Variants in GLI3 observed in about 807,000 individuals in gnomAD.
GLI3 encodes the protein transcription activator GLI3.
Under a neutral mutation model 100.8 loss-of-function variants are expected in GLI3, and 20 were observed. That is an observed-to-expected ratio of 0.20 (90% CI 0.14 to 0.29). The LOEUF is 0.29. GLI3 is among the 10% of genes least tolerant of loss of function. GLI3 has a pLI of 1.00. For missense variants in GLI3, 2,040 were observed against 2,128.5 expected, an observed-to-expected ratio of 0.96 and a Z score of 0.82; for synonymous variants, 938 against 860.5, an observed-to-expected ratio of 1.09 and a Z score of -1.58.
At chr7:42,241,434 A>G (rs1173677220), upstream of GLI3, among the ~76,000 whole-genome samples, 2 of 152,126 alleles carry the variant, frequency 1.3e-5, no homozygotes, top group Admixed American at 1.3e-4. Flanking sequence ...GCCAGCCTGC[A>G]TGTAAGGAAA....
Position 42,223,291 on chromosome 7 carries a change from A to T in GLI3, c.-38T>A, listed in dbSNP as rs751130971. 5 of 1,601,406 alleles carry T rather than the reference A, an allele frequency of 3.1e-6. No individual in the cohort carries two copies. The highest frequency in any genetic ancestry group is 4.3e-6 in the Non-Finnish European group (5 of 1,169,908). On this transcript the variant is annotated 5_prime_UTR_variant, in exon 2 of 15. Coordinates refer to ENST00000395925, the MANE Select transcript of GLI3 (RefSeq NM_000168.6). ...TTACTTCAGCTCTCTTCGACCAAAA[A>T]TGCCCTAAAGAAAACAACAGAGCCA...
chr7:42,248,304 A>G (rs1788995502), intron 1 of GLI3, among the ~76,000 whole-genome samples: 1 of 152,170 alleles, frequency 6.6e-6, no homozygotes, highest in South Asian at 2.1e-4. Flanking sequence ...AGGAGTGGAG[A>G]TACTGACTAA....
intron 7 of GLI3, among the ~76,000 whole-genome samples, chr7:42,032,511 T>C (rs896844880): frequency 1.3e-5 from 2 of 152,178 alleles, no homozygotes; most frequent in East Asian, 3.9e-4. Flanking sequence ...CTACTATACA[T>C]ATAGGCACTT....
intron 3 of GLI3, among the ~76,000 whole-genome samples, chr7:42,136,595 A>C (rs1203514455): frequency 6.6e-6 from 1 of 152,206 alleles, no homozygotes; most frequent in Admixed American, 6.5e-5. Flanking sequence ...ACTTCTAGGT[A>C]AGGTAATGTT....
At chr7:42,134,312 G>A (rs113484626) in intron 3 of GLI3, among the ~76,000 whole-genome samples, 3 of 152,194 alleles carry the variant, frequency 2.0e-5, no homozygotes, top group African/African-American at 7.2e-5. Flanking sequence ...TGCATGAGAA[G>A]GACTCGTGTA....
chr7:42,032,039 A>G (rs1199005158), intron 7 of GLI3, among the ~76,000 whole-genome samples: 3 of 152,198 alleles, frequency 2.0e-5, no homozygotes, highest in African/African-American at 7.2e-5. Context: ...AGTAAACAGC[A>G]CAGTAACACC....
chr7:41,988,650 C>T (rs938378307), intron 10 of GLI3, among the ~76,000 whole-genome samples: 1 of 152,160 alleles, frequency 6.6e-6, no homozygotes, highest in Admixed American at 6.6e-5. Context: ...AATCTTCTGA[C>T]GTCTTGACCT....
At chr7:42,183,082 G>A (rs1391855249) in intron 2 of GLI3, among the ~76,000 whole-genome samples, 2 of 151,978 alleles carry the variant, frequency 1.3e-5, no homozygotes, top group Non-Finnish European at 2.9e-5. Context: ...AAATAAGCCT[G>A]GCATGGTGGC....
intron 1 of GLI3, among the ~76,000 whole-genome samples, chr7:42,244,453 G>T (rs1197698478): frequency 6.6e-6 from 1 of 152,198 alleles, no homozygotes; most frequent in African/African-American, 2.4e-5. Flanking sequence ...TATGAAGTTT[G>T]TAAGTAAAAT....
In GLI3 at chr7:42,204,937, C is replaced by A. The variant is rs570881108; in HGVS notation, c.124+18193G>T. 7.9e-5 allele frequency among the ~76,000 whole-genome samples: 12 copies of A among 152,188 alleles called. No individual in the cohort carries two copies. In the East Asian group the frequency reaches 2.3e-3, roughly 29 times the overall value. ...TGGCTATGATAAATTTGTATCTCCT[C>A]AGACAAAAGGCCAACCAAACGCTGC... On this transcript the variant is annotated intron_variant, in intron 2 of 14. Transcript: ENST00000395925.
At chr7:42,243,567 A>G (rs1025322237) in intron 1 of GLI3, among the ~76,000 whole-genome samples, 1 of 152,224 alleles carries the variant, frequency 6.6e-6, no homozygotes, top group Non-Finnish European at 1.5e-5. Context: ...TGTGAATTGG[A>G]GATAACGATA....
At chr7:41,969,901 CT>C (rs1787321963) in intron 13 of GLI3, among the ~76,000 whole-genome samples, 1 of 152,324 alleles carries the variant, frequency 6.6e-6, no homozygotes, top group African/African-American at 2.4e-5. Context: ...TTCAGAACAT[CT>C]GCTTGGTAGG....
chr7:42,114,430 T>G (rs1265848598), intron 3 of GLI3, among the ~76,000 whole-genome samples: 1 of 144,668 alleles, frequency 6.9e-6, no homozygotes, highest in Non-Finnish European at 1.5e-5. Context: ...CTAGGTACGG[T>G]TTGGCTTGGG....
intron 1 of GLI3, among the ~76,000 whole-genome samples, chr7:42,255,257 T>A (rs1285386946): frequency 6.6e-6 from 1 of 152,220 alleles, no homozygotes; most frequent in Non-Finnish European, 1.5e-5. Context: ...CCTCTCCATC[T>A]AATTTGGTCA....
intron 2 of GLI3, among the ~76,000 whole-genome samples, chr7:42,192,444 A>G (rs143161381): frequency 6.6e-6 from 1 of 152,284 alleles, no homozygotes; most frequent in Non-Finnish European, 1.5e-5. Context: ...ACAAAACCTG[A>G]GACAAGGTAT....
chr7:41,976,373 A>G (rs1279834125), intron 12 of GLI3, among the ~76,000 whole-genome samples: 1 of 152,198 alleles, frequency 6.6e-6, no homozygotes, highest in African/African-American at 2.4e-5. Flanking sequence ...GTGTGAGTTT[A>G]TGAGTGAGTG....
In GLI3 at chr7:41,966,523, G is replaced by A. The variant is rs1454810711; in HGVS notation, c.2550C>T (p.Ser850=). ...MLNMLNRRDS[S]ASTISSAYLS... is the part of the protein sequence containing the mutation. Reference sequence around the variant, plus strand: ...GGTAGGCCGAGCTGATGGTGCTGGCGCTGCTGTCCCTTCTGTTGAGCATGT... The same window carrying A: ...GGTAGGCCGAGCTGATGGTGCTGGCACTGCTGTCCCTTCTGTTGAGCATGT... The change falls in exon 15 of 15, where the codon AGC becomes AGT. Residue 850 remains serine (S), a synonymous_variant. Transcript: ENST00000395925. This position sits in a 1 kb window ranked among gnomAD's most constrained non-coding sequence, Gnocchi z 5.8. The A allele has an allele frequency of 3.7e-6, 6 of 1,613,666 alleles. No homozygotes were observed. The Admixed American group carries it at 6.7e-5, about 18-fold the overall frequency.
intron 10 of GLI3, among the ~76,000 whole-genome samples, chr7:42,014,696 C>A (rs1788707785): frequency 6.6e-6 from 1 of 152,164 alleles, no homozygotes; most frequent in South Asian, 2.1e-4. Context: ...ATCGATAGTA[C>A]TCATAACAGC....
chr7:41,984,610 C>T (rs1260764074), intron 10 of GLI3, among the ~76,000 whole-genome samples: 2 of 152,220 alleles, frequency 1.3e-5, no homozygotes, highest in East Asian at 1.9e-4. Context: ...CTCTTTACAT[C>T]AGCCAGTTTC....
Sources: gnomAD v4.1 joint callset for allele counts (sites outside exome capture counted in the v4.1 genomes callset) on GRCh38, gnomAD v4.1.1 for gene constraint, Gnocchi (gnomAD v3.1) non-coding constraint, MANE v1.5 for transcripts, NCBI Gene and HGNC (gene_info 2026-07-23, HGNC 2026-07-21) for gene names.